ST6GALNAC5: variants seen among roughly 807,000 people sequenced by gnomAD.
The protein encoded by ST6GALNAC5 is ST6 N-acetylgalactosaminide alpha-2,6-sialyltransferase 5, also known as alpha-N-acetylgalactosaminide alpha-2,6-sialyltransferase 5.
In ST6GALNAC5, 27 loss-of-function variants were observed where a neutral mutation model predicts 33.6. The ratio of observed to expected loss-of-function variants is 0.80; its 90% confidence interval spans 0.59 to 1.11. The LOEUF (loss-of-function observed/expected upper bound fraction) is 1.11. ST6GALNAC5 is among the 50% of genes least tolerant of loss of function. The pLI, the probability that ST6GALNAC5 is intolerant of heterozygous loss-of-function variation, is 0.00. For synonymous variants in ST6GALNAC5, 194 were observed against 171.2 expected (o/e 1.13, Z -1.04); for missense variants, 428 against 454.0 (o/e 0.94, Z 0.52).
At chr1:76,936,527 G>A (rs1402824274) in intron 2 of ST6GALNAC5, among the ~76,000 whole-genome samples, 1 of 151,978 alleles carries the variant, frequency 6.6e-6, no homozygotes, top group Non-Finnish European at 1.5e-5. Context: ...CTTCTTCTTG[G>A]AGAAAAGATC....
At chr1:76,914,587 C>A (rs192759476) in intron 2 of ST6GALNAC5, among the ~76,000 whole-genome samples, 3 of 152,106 alleles carry the variant, frequency 2.0e-5, no homozygotes, top group Admixed American at 1.3e-4. Flanking sequence ...ACAAGCAATG[C>A]GGAAAGGATT....
At chr1:77,004,467 G>A (rs368897063) in intron 2 of ST6GALNAC5, among the ~76,000 whole-genome samples, 54 of 139,016 alleles carry the variant, frequency 3.9e-4, no homozygotes, top group South Asian at 4.8e-4. Context: ...TAATTTGATC[G>A]TCTGAAGCCT....
At chr1:76,904,829 AAAAAG>A (rs1344306899) in intron 2 of ST6GALNAC5, among the ~76,000 whole-genome samples, 2 of 152,202 alleles carry the variant, frequency 1.3e-5, no homozygotes, top group Non-Finnish European at 2.9e-5. Context: ...TCTCAAAAAA[AAAAAG>A]AAAAGAGTCA....
At chr1:76,961,947 A>G (rs1429491098) in intron 2 of ST6GALNAC5, among the ~76,000 whole-genome samples, 1 of 152,216 alleles carries the variant, frequency 6.6e-6, no homozygotes, top group Non-Finnish European at 1.5e-5. Context: ...TGCTTAAAAT[A>G]AAGACTGGCC....
At chr1:76,992,641 C>A (rs780233897) in intron 2 of ST6GALNAC5, among the ~76,000 whole-genome samples, 1 of 152,178 alleles carries the variant, frequency 6.6e-6, no homozygotes, top group Non-Finnish European at 1.5e-5. Context: ...ACTATAGGTG[C>A]ATGCCACCAT....
chr1:76,880,603 C>T (rs1461180901), intron 2 of ST6GALNAC5, among the ~76,000 whole-genome samples: 1 of 152,182 alleles, frequency 6.6e-6, no homozygotes, highest in East Asian at 1.9e-4. Flanking sequence ...GGGCAGGAAG[C>T]ATCCAGCATG....
chr1:77,017,474 G>A (rs111644603), intron 2 of ST6GALNAC5, among the ~76,000 whole-genome samples: 1 of 152,152 alleles, frequency 6.6e-6, no homozygotes, highest in African/African-American at 2.4e-5. Flanking sequence ...CGGGAGCATG[G>A]CCTCTCTGCA....
Position 76,868,430 on chromosome 1 carries a change from C to A in ST6GALNAC5, c.16-67C>A. 2 of 1,539,778 alleles carry A rather than the reference C, an allele frequency of 1.3e-6. No individual in the cohort carries two copies. The highest frequency in any genetic ancestry group is 2.5e-5 in the South Asian group (2 of 79,042). ...AGAGTGACCACCGCACAGTTGTCCCCGCTGGGCGCGCTCCTCCGGTGTCTG... is the reference window on the plus strand; with the variant it reads ...AGAGTGACCACCGCACAGTTGTCCCAGCTGGGCGCGCTCCTCCGGTGTCTG... On this transcript the variant is annotated intron_variant, in intron 1 of 4. Transcript: ENST00000477717. This position sits in a 1 kb window ranked among gnomAD's most constrained non-coding sequence, Gnocchi z 4.3.
At chr1:76,899,152 AT>A (rs1302196729) in intron 2 of ST6GALNAC5, among the ~76,000 whole-genome samples, 1 of 152,182 alleles carries the variant, frequency 6.6e-6, no homozygotes, top group Non-Finnish European at 1.5e-5. Flanking sequence ...GTCAAGCGGC[AT>A]TGCAGAAGAA....
At chr1:77,007,735 T>G (rs6663942) in intron 2 of ST6GALNAC5, among the ~76,000 whole-genome samples, 30,056 of 152,304 alleles carry the variant, frequency 0.2, 3,546 homozygotes, top group African/African-American at 0.33. Flanking sequence ...TTTTAACTTG[T>G]AATCCTTATA....
intron 2 of ST6GALNAC5, among the ~76,000 whole-genome samples, chr1:76,961,567 C>G (rs530575031): frequency 6.6e-6 from 1 of 152,208 alleles, no homozygotes; most frequent in Admixed American, 6.5e-5. Flanking sequence ...AACTCCCTTG[C>G]TGCCTGTGCA....
intron 2 of ST6GALNAC5, among the ~76,000 whole-genome samples, chr1:76,909,004 T>C (rs1646888387): frequency 6.6e-6 from 1 of 152,182 alleles, no homozygotes; most frequent in East Asian, 1.9e-4. Flanking sequence ...CCAGTGGTTA[T>C]TATAGCTATG....
At chr1:77,010,430 G>A (rs1383935433) in intron 2 of ST6GALNAC5, among the ~76,000 whole-genome samples, 1 of 152,170 alleles carries the variant, frequency 6.6e-6, no homozygotes, top group African/African-American at 2.4e-5. Context: ...GGGAGACAGA[G>A]GTTGCAGTGA....
chr1:76,890,775 G>A (rs540041766), intron 2 of ST6GALNAC5, among the ~76,000 whole-genome samples: 69 of 152,090 alleles, frequency 4.5e-4, no homozygotes, highest in Non-Finnish European at 7.2e-4. Context: ...TTAGAATTTT[G>A]TAAACTAGAG....
At position 77,039,514 on chromosome 1, in the gene ST6GALNAC5, A is replaced by G. The variant is rs529540456; in HGVS notation, c.262-4690A>G. Among the ~76,000 whole-genome samples, 5 of 152,300 alleles carry G rather than the reference A, an allele frequency of 3.3e-5. No homozygotes were observed. In the East Asian group the frequency reaches 5.8e-4, roughly 18 times the overall value. On this transcript the variant is annotated intron_variant, in intron 2 of 4. Coordinates refer to ENST00000477717, the MANE Select transcript of ST6GALNAC5 (RefSeq NM_030965.3). The stretch of plus-strand genomic sequence containing the variant: ...AAGGCCTGGGGTTTACAGCCAAATA[A>G]TTGGTTATGGCATCACATTATGTCT...
intron 2 of ST6GALNAC5, among the ~76,000 whole-genome samples, chr1:76,960,129 G>C (rs1648172910): frequency 6.6e-6 from 1 of 152,094 alleles, no homozygotes; most frequent in Non-Finnish European, 1.5e-5. Flanking sequence ...CAGATATCGG[G>C]TGAAATTCAC....
At chr1:76,964,672 A>G (rs1247213628) in intron 2 of ST6GALNAC5, among the ~76,000 whole-genome samples, 1 of 152,124 alleles carries the variant, frequency 6.6e-6, no homozygotes, top group Non-Finnish European at 1.5e-5. Flanking sequence ...GGTTTGTTAC[A>G]CAGGTATACA....
At chr1:76,895,223 C>A in intron 2 of ST6GALNAC5, among the ~76,000 whole-genome samples, 1 of 151,840 alleles carries the variant, frequency 6.6e-6, no homozygotes, top group Admixed American at 6.6e-5. Flanking sequence ...GCCTGACATT[C>A]CTGTCTTCTT....
At chr1:76,883,201 C>A (rs1272490725) in intron 2 of ST6GALNAC5, among the ~76,000 whole-genome samples, 1 of 152,200 alleles carries the variant, frequency 6.6e-6, no homozygotes, top group African/African-American at 2.4e-5. Flanking sequence ...GTTATAATTA[C>A]TATACCTTGG....
Sources: gnomAD v4.1 joint callset for allele counts (sites outside exome capture counted in the v4.1 genomes callset) on GRCh38, gnomAD v4.1.1 for gene constraint, Gnocchi (gnomAD v3.1) non-coding constraint, MANE v1.5 for transcripts, NCBI Gene and HGNC (gene_info 2026-07-23, HGNC 2026-07-21) for gene names.